Variants in CADPS2 observed in about 807,000 individuals in gnomAD.
The protein encoded by CADPS2 is calcium-dependent secretion activator 2.
In CADPS2, 93 loss-of-function variants were observed where a neutral mutation model predicts 172.5. The ratio of observed to expected loss-of-function variants is 0.54; its 90% CI spans 0.46 to 0.64. The LOEUF (loss-of-function observed/expected upper bound fraction) is 0.64, where lower values mean the gene tolerates loss of function less well. Ranked by LOEUF, CADPS2 falls within the 30% of genes least tolerant of loss-of-function variation. The pLI is 0.00. For synonymous variants in CADPS2, 546 were observed against 555.2 expected (o/e 0.98, Z 0.23); for missense variants, 1,420 against 1,565.9 (o/e 0.91, Z 1.57).
At chr7:122,445,508 G>T (rs757963951) in intron 15 of CADPS2, among the ~76,000 whole-genome samples, 70 of 151,988 alleles carry the variant, frequency 4.6e-4, no homozygotes, top group Admixed American at 3.2e-3. Context: ...CCAGTATATA[G>T]AAATATATTA....
chr7:122,768,637 A>T (rs2093624263), intron 1 of CADPS2, among the ~76,000 whole-genome samples: 1 of 152,194 alleles, frequency 6.6e-6, no homozygotes, highest in African/African-American at 2.4e-5. Context: ...TAGAGATATA[A>T]AATTCATGAT....
chr7:122,480,041 A>G, intron 12 of CADPS2: 2 of 465,556 alleles, frequency 4.3e-6, no homozygotes, highest in Admixed American at 4.8e-5. Flanking sequence ...TTTTGGTTGG[A>G]GAGAACAAAG....
chr7:122,495,346 A>C (rs1257589454), intron 9 of CADPS2, among the ~76,000 whole-genome samples: 1 of 152,108 alleles, frequency 6.6e-6, no homozygotes, highest in Non-Finnish European at 1.5e-5. Context: ...TTTTCTGTTT[A>C]TTATATTATT....
intron 1 of CADPS2, among the ~76,000 whole-genome samples, chr7:122,853,343 C>T (rs1814227491): frequency 6.6e-6 from 1 of 152,186 alleles, no homozygotes; most frequent in Admixed American, 6.5e-5. Flanking sequence ...TCCATGGTTC[C>T]AATTACCCCT....
At chr7:122,512,138 C>G (rs2060049681) in intron 9 of CADPS2, among the ~76,000 whole-genome samples, 1 of 152,048 alleles carries the variant, frequency 6.6e-6, no homozygotes, top group South Asian at 2.1e-4. Context: ...GATAAAACTA[C>G]TTTTCACTGA....
chr7:122,602,343 A>T (rs1461072232), intron 6 of CADPS2, among the ~76,000 whole-genome samples: 1 of 152,064 alleles, frequency 6.6e-6, no homozygotes, highest in African/African-American at 2.4e-5. Context: ...TACTGCATAC[A>T]CAACTCCATA....
At chr7:122,721,426 C>G (rs2090381524) in intron 2 of CADPS2, among the ~76,000 whole-genome samples, 1 of 152,142 alleles carries the variant, frequency 6.6e-6, no homozygotes, top group African/African-American at 2.4e-5. Flanking sequence ...CGCAAATAAA[C>G]TAGAAAATCT....
intron 14 of CADPS2, among the ~76,000 whole-genome samples, chr7:122,462,301 A>G (rs28648932): frequency 0.031 from 4,656 of 152,202 alleles, 151 homozygotes; most frequent in African/African-American, 0.073. Flanking sequence ...TTAGCATAAG[A>G]CTTTAAAATT....
intron 6 of CADPS2, among the ~76,000 whole-genome samples, chr7:122,604,132 T>G (rs920571349): frequency 6.6e-6 from 1 of 152,166 alleles, no homozygotes; most frequent in Admixed American, 6.6e-5. Context: ...TTTCATTCAA[T>G]GTATTTCTGT....
At chr7:122,536,366 T>A (rs2062273183) in intron 8 of CADPS2, among the ~76,000 whole-genome samples, 2 of 152,050 alleles carry the variant, frequency 1.3e-5, no homozygotes, top group South Asian at 4.1e-4. Flanking sequence ...CTAAGAAAGA[T>A]ACCTTCAGAT....
chr7:122,407,517 T>G (rs1177332892), intron 20 of CADPS2, 23 bp downstream of exon 20: 4 of 1,602,006 alleles, frequency 2.5e-6, no homozygotes, highest in Non-Finnish European at 3.4e-6. Flanking sequence ...ATTTCACATA[T>G]GAAAGAAAAC....
At chr7:122,446,549 T>C (rs958620016) in intron 15 of CADPS2, among the ~76,000 whole-genome samples, 1 of 152,214 alleles carries the variant, frequency 6.6e-6, no homozygotes, top group African/African-American at 2.4e-5. Context: ...AAACTAGAAC[T>C]ACCCCTGGTC....
intron 7 of CADPS2, among the ~76,000 whole-genome samples, chr7:122,556,878 C>A (rs527473294): frequency 6.6e-6 from 1 of 152,204 alleles, no homozygotes; most frequent in South Asian, 2.1e-4. Flanking sequence ...CTGATAATAT[C>A]ACTTCTTCCT....
intron 1 of CADPS2, among the ~76,000 whole-genome samples, chr7:122,791,756 TGTTA>T (rs998898921): frequency 1.3e-5 from 2 of 152,156 alleles, no homozygotes; most frequent in African/African-American, 4.8e-5. Flanking sequence ...CAATTTAAAA[TGTTA>T]GTTCAAAATT....
chr7:122,686,491 G>C (rs2083641241), intron 2 of CADPS2, among the ~76,000 whole-genome samples: 1 of 152,150 alleles, frequency 6.6e-6, no homozygotes, highest in South Asian at 2.1e-4. Context: ...ATTAGAATCA[G>C]CTGGAGGACT....
intron 6 of CADPS2, among the ~76,000 whole-genome samples, chr7:122,599,678 T>C (rs557330069): frequency 3.3e-5 from 5 of 152,244 alleles, no homozygotes; most frequent in African/African-American, 1.2e-4. Flanking sequence ...GAATTTATTT[T>C]AGTAACAGTT....
rs184127901 is a variant in CADPS2, at chr7:122,596,555, T to C, written c.1224-15265A>G. Reference sequence around the variant, plus strand: ...AAGCGTGAAATGTAAACAAATACTATAGCAGTGAGAAAAGCTTCACGATGA... The same window carrying C: ...AAGCGTGAAATGTAAACAAATACTACAGCAGTGAGAAAAGCTTCACGATGA... On this transcript the variant is annotated intron_variant, in intron 6 of 29. Coordinates refer to ENST00000449022, the MANE Select transcript of CADPS2 (RefSeq NM_017954.11). Among the ~76,000 whole-genome samples the C allele has an allele frequency of 4.2e-3, 640 of 152,146 alleles. 5 individuals carry two copies. Among genetic ancestry groups the C allele is most frequent in the African/African-American group, 0.014 (569 of 41,516 alleles).
intron 1 of CADPS2, among the ~76,000 whole-genome samples, chr7:122,796,148 T>C (rs933242306): frequency 6.6e-5 from 10 of 152,102 alleles, no homozygotes; most frequent in African/African-American, 2.4e-4. Context: ...GGAATACAAC[T>C]AGCCAGGGAG....
intron 1 of CADPS2, among the ~76,000 whole-genome samples, chr7:122,840,446 A>G (rs1009183177): frequency 6.6e-6 from 1 of 152,106 alleles, no homozygotes; most frequent in Admixed American, 6.6e-5. Context: ...AAGAAAAAAA[A>G]TGCACACAAA....
Sources: gnomAD v4.1 joint callset for allele counts (sites outside exome capture counted in the v4.1 genomes callset) on GRCh38, gnomAD v4.1.1 for gene constraint, MANE v1.5 for transcripts, NCBI Gene and HGNC (gene_info 2026-07-23, HGNC 2026-07-21) for gene names.